FAM118B: variants seen among roughly 807,000 people sequenced by gnomAD.
The protein encoded by FAM118B is protein FAM118B.
A neutral mutation model predicts 38.5 loss-of-function variants in FAM118B; 24 were observed. The ratio of observed to expected loss-of-function variants is 0.62; its 90% CI spans 0.45 to 0.88. The LOEUF (loss-of-function observed/expected upper bound fraction) is 0.88, where lower values mean the gene tolerates loss of function less well. Ranked by LOEUF, FAM118B falls within the 40% of genes least tolerant of loss-of-function variation. The pLI, the probability that FAM118B is intolerant of heterozygous loss-of-function variation, is 0.00. For missense variants in FAM118B, 334 were observed against 420.0 expected, an observed-to-expected ratio of 0.80 and a Z score of 1.79; for synonymous variants, 138 against 156.3, an observed-to-expected ratio of 0.88 and a Z score of 0.87.
intron 3 of FAM118B, among the ~76,000 whole-genome samples, chr11:126,236,482 T>TTTG (rs1042212075): frequency 2.6e-5 from 4 of 152,142 alleles, no homozygotes; most frequent in South Asian, 2.1e-4. Context: ...TTGTTTCATT[T>TTTG]TTGTTGTTGT....
At chr11:126,241,613 G>A (rs532600370) in intron 4 of FAM118B, among the ~76,000 whole-genome samples, 3 of 151,780 alleles carry the variant, frequency 2.0e-5, no homozygotes, top group African/African-American at 4.8e-5. Flanking sequence ...TCAGTGGTTC[G>A]ATCTCGCCTC....
intron 1 of FAM118B, among the ~76,000 whole-genome samples, chr11:126,215,670 C>G (rs1168176023): frequency 7.8e-6 from 1 of 128,732 alleles, no homozygotes; most frequent in East Asian, 2.4e-4. Flanking sequence ...GCATTCCAGC[C>G]TGGGTGAAAG....
At chr11:126,234,490 C>T (rs367751121) in intron 2 of FAM118B, among the ~76,000 whole-genome samples, 3 of 152,200 alleles carry the variant, frequency 2.0e-5, no homozygotes, top group Non-Finnish European at 4.4e-5. Flanking sequence ...AGGTCACCAT[C>T]GTCCAACAAC....
At position 126,254,310 on chromosome 11, in the gene FAM118B, C is replaced by A. The variant is rs148364350; in HGVS notation, c.573C>A (p.Leu191=). The change falls in exon 6 of 9, where the codon CTC becomes CTA. Residue 191 remains leucine (L), a synonymous_variant. Coordinates refer to ENST00000533050, the MANE Select transcript of FAM118B (RefSeq NM_024556.4). ...SLDLTDEKKV[L]EWAQEKRKLS... Reference sequence around the variant, plus strand: ...GCTATATGTGTGTTGTGCAGGTCCTCGAGTGGGCTCAGGAGAAGCGTAAGC... The same window carrying A: ...GCTATATGTGTGTTGTGCAGGTCCTAGAGTGGGCTCAGGAGAAGCGTAAGC... The A allele has an allele frequency of 1.2e-4, 193 of 1,613,838 alleles. 1 individual carries two copies. In the African/African-American group the frequency reaches 2.4e-3, roughly 20 times the overall value.
At chr11:126,241,144 C>T in intron 4 of FAM118B, 100 bp downstream of exon 4, 1 of 1,231,096 alleles carries the variant, frequency 8.1e-7, no homozygotes, top group Non-Finnish European at 1.1e-6. Flanking sequence ...CCAAATGTAA[C>T]AGGGATATTC....
Position 126,256,033 on chromosome 11 carries a change from G to T in FAM118B, c.697-534G>T, listed in dbSNP as rs1439550613. On this transcript the variant is annotated intron_variant, in intron 6 of 8. Transcript: ENST00000533050. This position sits in a 1 kb window ranked among gnomAD's most constrained non-coding sequence, Gnocchi z 6.6. ...CGCCTGTAATCCCAGCACTTTGGGA[G>T]GCCAAGGTGGGTGGATCACTCGAGG... Among the ~76,000 whole-genome samples the T allele has an allele frequency of 2.0e-5, 3 of 152,160 alleles. No homozygotes were observed. The highest frequency in any genetic ancestry group is 4.4e-5 in the Non-Finnish European group (3 of 68,036).
Position 126,259,553 on chromosome 11 carries a change from G to A in FAM118B, c.983-1872G>A, listed in dbSNP as rs527264203. ...TGATTCTCCTGCCTCAGCCTCCTGA[G>A]TGGCTGGAACTATAGGCGCCCACCA... On this transcript the variant is annotated intron_variant, in intron 7 of 8. Transcript: ENST00000533050. Among the ~76,000 whole-genome samples, 16 of 151,796 alleles carry A rather than the reference G, an allele frequency of 1.1e-4. No homozygotes were observed. In the South Asian group the frequency reaches 2.9e-3, roughly 28 times the overall value.
chr11:126,221,926 C>T (rs576544864), intron 1 of FAM118B, among the ~76,000 whole-genome samples: 1 of 152,146 alleles, frequency 6.6e-6, no homozygotes, highest in South Asian at 2.1e-4. Flanking sequence ...CAGAAGTGCT[C>T]ATCTCCTTGG....
At chr11:126,231,317 C>CA (rs1490315927) in intron 2 of FAM118B, among the ~76,000 whole-genome samples, 1 of 152,114 alleles carries the variant, frequency 6.6e-6, no homozygotes, top group Non-Finnish European at 1.5e-5. Context: ...AATGAAAACT[C>CA]AAACGTGATC....
At chr11:126,238,960 T>C (rs557023570) in intron 3 of FAM118B, among the ~76,000 whole-genome samples, 90 of 151,822 alleles carry the variant, frequency 5.9e-4, no homozygotes, top group African/African-American at 2.1e-3. Context: ...TGTTTTATTT[T>C]TAAGTGGAAG....
In FAM118B at chr11:126,214,479, CTT is replaced by C. The variant is rs201268093; in HGVS notation, c.-77+2652_-77+2653del. The C allele has an allele frequency of 5.6e-3, 441 of 79,142 alleles. 5 individuals carry two copies. The highest frequency in any genetic ancestry group is 0.017 in the African/African-American group (391 of 22,376). The allele number at this position is 79,142 out of a possible 1,614,324, so 4.9% of individuals were successfully genotyped here. A position where few individuals can be genotyped will look rare whatever the true frequency, so the allele number is the denominator to read the frequency against. The stretch of plus-strand genomic sequence containing the variant: ...TGCAATACTGCCACTGCAAAAAACT[CTT>C]TTGTTTCTGTTTTTTTTTTTTGTTT... On this transcript the variant is annotated intron_variant, in intron 1 of 8. Coordinates refer to ENST00000533050, the MANE Select transcript of FAM118B (RefSeq NM_024556.4).
intron 1 of FAM118B, among the ~76,000 whole-genome samples, chr11:126,226,168 G>C (rs1183770816): frequency 5.8e-5 from 7 of 119,782 alleles, no homozygotes; most frequent in African/African-American, 2.4e-4. Context: ...GGAACGTGGC[G>C]CAAGTTCCTA....
chr11:126,251,009 C>T (rs551387796), intron 5 of FAM118B, among the ~76,000 whole-genome samples: 2 of 152,170 alleles, frequency 1.3e-5, no homozygotes, highest in Non-Finnish European at 2.9e-5. Context: ...ACTGTAAGAT[C>T]TCTTTAGCAC....
intron 3 of FAM118B, among the ~76,000 whole-genome samples, chr11:126,235,844 C>T (rs1950267806): frequency 6.6e-6 from 1 of 152,204 alleles, no homozygotes; most frequent in Non-Finnish European, 1.5e-5. Flanking sequence ...TTAATATTTA[C>T]ATTATTACGA....
In FAM118B at chr11:126,250,277, G is replaced by T. The variant is rs1950483001; in HGVS notation, c.340-229G>T. Among the ~76,000 whole-genome samples, 1 of 152,002 alleles carries T rather than the reference G, an allele frequency of 6.6e-6. No homozygotes were observed. Among genetic ancestry groups the T allele is most frequent in the Admixed American group, 6.6e-5 (1 of 15,256 alleles). On this transcript the variant is annotated intron_variant, in intron 4 of 8. Coordinates refer to ENST00000533050, the MANE Select transcript of FAM118B (RefSeq NM_024556.4). This position sits in a 1 kb window ranked among gnomAD's most constrained non-coding sequence, Gnocchi z 5.1. ...CTGCTAATTTTTTTTATTTTTAGTA[G>T]AGACGGGGTTTCACCGTGTTAGCCA... is the stretch of plus-strand genomic sequence containing the variant.
intron 4 of FAM118B, among the ~76,000 whole-genome samples, chr11:126,243,698 G>A (rs1018880918): frequency 3.5e-4 from 53 of 152,022 alleles, no homozygotes; most frequent in Admixed American, 2.0e-4. Flanking sequence ...GAGGTCAGGA[G>A]TTCGAGATCA....
intron 5 of FAM118B, among the ~76,000 whole-genome samples, chr11:126,251,731 C>CTTT (rs1253065266): frequency 1.5e-5 from 2 of 137,464 alleles, no homozygotes; most frequent in Non-Finnish European, 3.2e-5. Context: ...TAACTTGCAG[C>CTTT]TTTTTTTTTT....
At chr11:126,216,265 A>G (rs191311142) in intron 1 of FAM118B, among the ~76,000 whole-genome samples, 3 of 151,994 alleles carry the variant, frequency 2.0e-5, no homozygotes, top group Admixed American at 6.5e-5. Flanking sequence ...AATCCCAGCT[A>G]CTTGGGAGGC....
intron 3 of FAM118B, among the ~76,000 whole-genome samples, chr11:126,238,803 T>C (rs758769658): frequency 2.6e-5 from 4 of 152,144 alleles, no homozygotes; most frequent in African/African-American, 4.8e-5. Flanking sequence ...TGCATTACAA[T>C]TGGTAAAATG....
Sources: allele counts gnomAD v4.1 joint callset (sites outside exome capture counted in the v4.1 genomes callset), GRCh38; gene constraint gnomAD v4.1.1; non-coding constraint Gnocchi (gnomAD v3.1); transcripts MANE v1.5; gene names NCBI Gene and HGNC (gene_info 2026-07-23, HGNC 2026-07-21).